The following FRMD5 variants were observed in gnomAD, a reference collection of about 807,000 sequenced individuals.
FRMD5 encodes FERM domain-containing protein 5.
In FRMD5, 20 loss-of-function variants were observed where a neutral mutation model predicts 69.0. The observed-to-expected ratio is 0.29, with a 90% confidence interval of 0.20 to 0.42. The LOEUF is 0.42. FRMD5 is among the 10% of genes least tolerant of loss of function. FRMD5 has a pLI of 1.00. For synonymous variants in FRMD5, 271 were observed against 260.1 expected, an observed-to-expected ratio of 1.04 and a Z score of -0.40; for missense variants, 595 against 708.6, an observed-to-expected ratio of 0.84 and a Z score of 1.82.
At chr15:43,903,385 G>A (rs1252826941) in intron 6 of FRMD5, among the ~76,000 whole-genome samples, 1 of 152,206 alleles carries the variant, frequency 6.6e-6, no homozygotes, top group Non-Finnish European at 1.5e-5. Flanking sequence ...GTGTCCCTCT[G>A]GAGAGGCATT....
chr15:44,170,160 T>C (rs931391580), intron 1 of FRMD5, among the ~76,000 whole-genome samples: 1 of 152,128 alleles, frequency 6.6e-6, no homozygotes, highest in African/African-American at 2.4e-5. Flanking sequence ...GCTGAAGTGA[T>C]CCATCTCAGC....
At chr15:44,157,616 C>T (rs1325965887) in intron 1 of FRMD5, among the ~76,000 whole-genome samples, 1 of 152,118 alleles carries the variant, frequency 6.6e-6, no homozygotes, top group Non-Finnish European at 1.5e-5. Flanking sequence ...ACAACTATTG[C>T]TAAGTCATTT....
chr15:43,887,370 G>A (rs2088687822), intron 10 of FRMD5, among the ~76,000 whole-genome samples: 1 of 152,198 alleles, frequency 6.6e-6, no homozygotes, highest in African/African-American at 2.4e-5. Flanking sequence ...ACAGGCAAAG[G>A]GAGGGTGGTA....
chr15:44,019,273 G>T (rs1445990888), intron 1 of FRMD5, among the ~76,000 whole-genome samples: 1 of 151,972 alleles, frequency 6.6e-6, no homozygotes. Context: ...GTAAATCCTA[G>T]AGTTTATATT....
chr15:43,991,808 C>G (rs74499991), intron 1 of FRMD5, among the ~76,000 whole-genome samples: 3,388 of 152,288 alleles, frequency 0.022, 67 homozygotes, highest in Non-Finnish European at 0.03. Context: ...ATTAGCTCTG[C>G]TAAACTCGAA....
In FRMD5 at chr15:43,876,029, A is replaced by G. The variant is rs2088345081; in HGVS notation, c.1136-1567T>C. 3 of 1,200,990 alleles carry G rather than the reference A, an allele frequency of 2.5e-6. No homozygotes were observed. In the Admixed American group the frequency reaches 5.0e-5, roughly 20 times the overall value. 74.4% of individuals were successfully genotyped at this position (1,200,990 alleles called of 1,614,324 possible). A position where few individuals can be genotyped will look rare whatever the true frequency, so the allele number is the denominator to read the frequency against. ...CGCCCCCTTGCCTGGCTTTATCTTC[A>G]CTATATTGTGTGGCCACTTCATTGA... On this transcript the variant is annotated intron_variant, in intron 13 of 13. Coordinates refer to ENST00000417257, the MANE Select transcript of FRMD5 (RefSeq NM_032892.5).
chr15:44,090,018 C>T (rs1256094852), intron 1 of FRMD5, among the ~76,000 whole-genome samples: 2 of 152,162 alleles, frequency 1.3e-5, no homozygotes, highest in Non-Finnish European at 2.9e-5. Flanking sequence ...TGCATGCACA[C>T]ACACGTGCAT....
chr15:44,140,572 T>C (rs1056626508), intron 1 of FRMD5, among the ~76,000 whole-genome samples: 3 of 152,062 alleles, frequency 2.0e-5, no homozygotes, highest in African/African-American at 7.2e-5. Context: ...CATGCTATCA[T>C]TGCTCTCATA....
At chr15:44,018,099 G>A (rs1891052685) in intron 1 of FRMD5, among the ~76,000 whole-genome samples, 1 of 152,102 alleles carries the variant, frequency 6.6e-6, no homozygotes, top group African/African-American at 2.4e-5. Flanking sequence ...TTAGGCAGCA[G>A]GATTATTTAA....
intron 1 of FRMD5, among the ~76,000 whole-genome samples, chr15:44,158,973 A>C (rs993469256): frequency 6.6e-6 from 1 of 152,162 alleles, no homozygotes; most frequent in African/African-American, 2.4e-5. Flanking sequence ...TAGGAAGACA[A>C]AAAAAATGAG....
intron 1 of FRMD5, among the ~76,000 whole-genome samples, chr15:44,160,379 G>A (rs1158745575): frequency 1.3e-5 from 2 of 152,182 alleles, no homozygotes; most frequent in East Asian, 1.9e-4. Context: ...TAAATAACTG[G>A]GAAAGTTTTG....
At chr15:44,129,976 C>T (rs998291255) in intron 1 of FRMD5, among the ~76,000 whole-genome samples, 4 of 152,144 alleles carry the variant, frequency 2.6e-5, no homozygotes, top group Admixed American at 2.0e-4. Flanking sequence ...GGAAGGCCAA[C>T]CAAGGACCTC....
chr15:44,178,897 G>A (rs929714987), intron 1 of FRMD5, among the ~76,000 whole-genome samples: 3 of 152,110 alleles, frequency 2.0e-5, no homozygotes, highest in African/African-American at 7.2e-5. Flanking sequence ...GCGGCTGAGG[G>A]AGGAGAATCG....
intron 6 of FRMD5, among the ~76,000 whole-genome samples, chr15:43,903,695 G>C (rs1433219478): frequency 5.3e-5 from 8 of 152,194 alleles, no homozygotes; most frequent in Admixed American, 1.3e-4. Flanking sequence ...TCCCTTTCCA[G>C]GGAGTGTCCT....
intron 1 of FRMD5, among the ~76,000 whole-genome samples, chr15:44,053,408 G>A (rs75528510): frequency 6.6e-6 from 1 of 152,108 alleles, no homozygotes; most frequent in African/African-American, 2.4e-5. Flanking sequence ...GGATCGTTCT[G>A]GTTGCTGTGT....
At chr15:43,900,619 GTTTT>G (rs1200733106) in intron 7 of FRMD5, among the ~76,000 whole-genome samples, 8 of 142,004 alleles carry the variant, frequency 5.6e-5, no homozygotes, top group South Asian at 2.3e-4. Context: ...TTCATTCCTG[GTTTT>G]TTTTTTTTTT....
At chr15:44,161,238 T>A (rs906688679) in intron 1 of FRMD5, among the ~76,000 whole-genome samples, 11 of 152,162 alleles carry the variant, frequency 7.2e-5, no homozygotes, top group Admixed American at 2.0e-4. Flanking sequence ...CTCCTACTTA[T>A]TCAAAAAAGT....
At chr15:44,132,145 C>T (rs947108714) in intron 1 of FRMD5, among the ~76,000 whole-genome samples, 14 of 152,196 alleles carry the variant, frequency 9.2e-5, no homozygotes, top group African/African-American at 2.9e-4. Flanking sequence ...AAAGGGTTCA[C>T]GCTCCTTTGA....
chr15:43,982,145 T>C (rs2090558208), intron 1 of FRMD5, among the ~76,000 whole-genome samples: 1 of 152,232 alleles, frequency 6.6e-6, no homozygotes, highest in Non-Finnish European at 1.5e-5. Context: ...TTCCATACAG[T>C]TCTGTGTGAA....
Sources: gnomAD v4.1 joint callset for allele counts (sites outside exome capture counted in the v4.1 genomes callset) on GRCh38, gnomAD v4.1.1 for gene constraint, MANE v1.5 for transcripts, NCBI Gene and HGNC (gene_info 2026-07-23, HGNC 2026-07-21) for gene names.